IL1RAP: variants seen among roughly 807,000 people sequenced by gnomAD.
IL1RAP encodes the protein interleukin-1 receptor accessory protein.
A neutral mutation model predicts 60.7 loss-of-function variants in IL1RAP; 35 were observed. That is an observed-to-expected ratio of 0.58 (90% confidence interval 0.44 to 0.76). The LOEUF is 0.76. IL1RAP is among the 30% of genes least tolerant of loss of function. The probability of loss-of-function intolerance (pLI) is 0.00; values close to 1 mark genes in which losing one functional copy is unlikely to be tolerated. For synonymous variants in IL1RAP, 268 were observed against 250.9 expected, an observed-to-expected ratio of 1.07 and a Z score of -0.64; for missense variants, 572 against 693.9, an observed-to-expected ratio of 0.82 and a Z score of 1.97.
At chr3:190,657,289 A>G (rs1189873744) in exon 12 of IL1RAP, 1 of 152,216 alleles carries the variant, frequency 6.6e-6, no homozygotes, top group African/African-American at 2.4e-5. Context: ...CCATTTCAGA[A>G]AATGGAGATT....
intron 3 of IL1RAP, among the ~76,000 whole-genome samples, chr3:190,570,257 A>C (rs1350836341): frequency 6.6e-6 from 1 of 152,236 alleles, no homozygotes; most frequent in Non-Finnish European, 1.5e-5. Flanking sequence ...GCTGATGTAC[A>C]AAATTTTCTG....
At chr3:190,598,137 A>ATGG (rs1389290772) in intron 3 of IL1RAP, among the ~76,000 whole-genome samples, 1 of 152,214 alleles carries the variant, frequency 6.6e-6, no homozygotes, top group Non-Finnish European at 1.5e-5. Flanking sequence ...TTTCCATTTA[A>ATGG]TAGTCTTTCG....
intron 3 of IL1RAP, among the ~76,000 whole-genome samples, chr3:190,566,076 A>G (rs974658414): frequency 7.0e-6 from 1 of 142,382 alleles, no homozygotes; most frequent in African/African-American, 2.6e-5. Flanking sequence ...CTTTCTCTCC[A>G]TCTCTTTTTC....
chr3:190,624,740 G>A (rs1166881621), intron 7 of IL1RAP: 3 of 198,846 alleles, frequency 1.5e-5, no homozygotes, highest in African/African-American at 2.3e-5. Context: ...CTGTTTTGTG[G>A]TCAGTGGGGA....
intron 4 of IL1RAP, among the ~76,000 whole-genome samples, chr3:190,605,226 A>G (rs1402756653): frequency 1.3e-5 from 2 of 152,200 alleles, no homozygotes; most frequent in Non-Finnish European, 2.9e-5. Context: ...CCATGACTGT[A>G]AAATTTCTTT....
intron 9 of IL1RAP, among the ~76,000 whole-genome samples, chr3:190,637,994 T>C (rs1055249233): frequency 6.6e-6 from 1 of 152,120 alleles, no homozygotes; most frequent in African/African-American, 2.4e-5. Context: ...GGTTTTGTTT[T>C]GTTTTTGTTT....
intron 3 of IL1RAP, among the ~76,000 whole-genome samples, chr3:190,601,652 C>CA (rs1369232424): frequency 6.6e-6 from 1 of 152,200 alleles, no homozygotes; most frequent in Non-Finnish European, 1.5e-5. Context: ...CGGTGCCTTG[C>CA]AAAGAAGCAC....
intron 1 of IL1RAP, chr3:190,550,571 C>T (rs1433243703): frequency 6.6e-6 from 1 of 152,206 alleles, no homozygotes; most frequent in Non-Finnish European, 1.5e-5. Flanking sequence ...CTCCCTTGGT[C>T]TTACTTTCCC....
intron 8 of IL1RAP, among the ~76,000 whole-genome samples, chr3:190,629,018 C>G (rs180919274): frequency 1.3e-5 from 2 of 152,126 alleles, no homozygotes; most frequent in East Asian, 1.9e-4. Flanking sequence ...AGGACCTGGC[C>G]CCAGAAGCTT....
intron 4 of IL1RAP, among the ~76,000 whole-genome samples, chr3:190,607,156 A>G (rs958619548): frequency 6.6e-6 from 1 of 152,022 alleles, no homozygotes; most frequent in South Asian, 2.1e-4. Flanking sequence ...CCCTTCCACT[A>G]TATTTAGTCT....
At chr3:190,530,002 T>C (rs6763072) in intron 1 of IL1RAP, among the ~76,000 whole-genome samples, 1 of 152,106 alleles carries the variant, frequency 6.6e-6, no homozygotes, top group Non-Finnish European at 1.5e-5. Context: ...AATAAAGTTC[T>C]CTATGGGCAG....
In IL1RAP at chr3:190,600,782, T is replaced by C. The variant is rs114091436; in HGVS notation, c.65-3346T>C. ...TGGGTGAACAGCACTAATGACTCTT[T>C]ATCTTGATGCTGATAATTCCTGGGT... On this transcript the variant is annotated intron_variant, in intron 3 of 11. Transcript: ENST00000447382. 6.6e-3 allele frequency among the ~76,000 whole-genome samples: 1,005 copies of C among 152,248 alleles called. 13 individuals are homozygous for C. The highest frequency in any genetic ancestry group is 0.023 in the African/African-American group (969 of 41,532).
intron 1 of IL1RAP, among the ~76,000 whole-genome samples, chr3:190,530,392 T>C (rs1201112052): frequency 1.3e-5 from 2 of 152,220 alleles, no homozygotes; most frequent in Non-Finnish European, 1.5e-5. Flanking sequence ...ATGAGGATTC[T>C]ATTATAATAA....
chr3:190,644,259 A>G lies in IL1RAP; in HGVS notation c.1063A>G (p.Arg355Gly), dbSNP rs764171428. The G allele has an allele frequency of 1.4e-5, 22 of 1,613,286 alleles. 1 individual carries two copies. In the South Asian group the frequency reaches 2.4e-4, roughly 18 times the overall value. ...GTTGTTCATTCCAGTGCCAGCTCCA[A>G]GATACACAGTGGAACTGGCTTGTGG... is the stretch of plus-strand genomic sequence containing the variant. ...AKVKQKVPAP[R>G]YTVELACGFG... The change falls in exon 10 of 12, where the codon AGA becomes GGA. Residue 355 changes from arginine to glycine, a missense_variant. Physicochemically the swap from Arg to Gly is moderately radical, Grantham distance 125. Coordinates refer to ENST00000447382, the MANE Select transcript of IL1RAP (RefSeq NM_002182.4).
intron 3 of IL1RAP, among the ~76,000 whole-genome samples, chr3:190,587,638 C>G (rs952245783): frequency 4.6e-5 from 7 of 152,214 alleles, no homozygotes; most frequent in African/African-American, 1.7e-4. Flanking sequence ...AAGAAAGGAT[C>G]AGTAGCGAGT....
intron 9 of IL1RAP, among the ~76,000 whole-genome samples, chr3:190,635,662 C>T (rs948701090): frequency 4.6e-5 from 7 of 152,190 alleles, no homozygotes; most frequent in African/African-American, 1.4e-4. Flanking sequence ...TTTTCCAGAT[C>T]GTTTTACTAC....
At chr3:190,619,323 A>G (rs1293694218) in intron 5 of IL1RAP, among the ~76,000 whole-genome samples, 1 of 152,194 alleles carries the variant, frequency 6.6e-6, no homozygotes, top group African/African-American at 2.4e-5. Context: ...CTCAATTTTA[A>G]ATGTCAACAG....
intron 1 of IL1RAP, among the ~76,000 whole-genome samples, chr3:190,528,172 C>G (rs577873531): frequency 6.6e-6 from 1 of 152,254 alleles, no homozygotes; most frequent in South Asian, 2.1e-4. Flanking sequence ...TACTTGTATA[C>G]TAAATGGTCC....
At chr3:190,546,985 G>T (rs1218459582) in intron 1 of IL1RAP, among the ~76,000 whole-genome samples, 1 of 152,186 alleles carries the variant, frequency 6.6e-6, no homozygotes, top group Non-Finnish European at 1.5e-5. Flanking sequence ...TATACGTTCT[G>T]CATTCCTGCT....
Sources: allele counts gnomAD v4.1 joint callset (sites outside exome capture counted in the v4.1 genomes callset), GRCh38; gene constraint gnomAD v4.1.1; transcripts MANE v1.5; gene names NCBI Gene and HGNC (gene_info 2026-07-23, HGNC 2026-07-21).